OPRM1: variants seen among roughly 807,000 people sequenced by gnomAD.
OPRM1 encodes the protein mu-type opioid receptor.
In OPRM1, 27 loss-of-function variants were observed where a neutral mutation model predicts 31.8. That is an observed-to-expected ratio of 0.85 (90% confidence interval 0.63 to 1.17). The LOEUF (loss-of-function observed/expected upper bound fraction) is 1.17, where lower values mean the gene tolerates loss of function less well. Ranked by LOEUF, OPRM1 falls within the 50% of genes most tolerant of loss-of-function variation. OPRM1 has a pLI of 0.00. For missense variants in OPRM1, 536 were observed against 511.1 expected (o/e 1.05, Z -0.47); for synonymous variants, 196 against 189.9 (o/e 1.03, Z -0.26).
At chr6:154,141,433 G>A (rs183328076) in intron 3 of OPRM1, among the ~76,000 whole-genome samples, 12 of 152,212 alleles carry the variant, frequency 7.9e-5, no homozygotes, top group South Asian at 2.1e-4. Context: ...GGTGGTATTC[G>A]CAGCAGCCCT....
At chr6:154,180,410 A>ATTT (rs1203931756) in intron 3 of OPRM1, among the ~76,000 whole-genome samples, 63 of 40,412 alleles carry the variant, frequency 1.6e-3, no homozygotes, top group South Asian at 6.7e-3. Flanking sequence ...ATATATATAT[A>ATTT]TATATTTTTT....
chr6:154,045,616 C>T (rs1230244214), intron 1 of OPRM1, among the ~76,000 whole-genome samples: 1 of 152,182 alleles, frequency 6.6e-6, no homozygotes, highest in East Asian at 1.9e-4. Flanking sequence ...TTCTCGTGCC[C>T]ACCTCATGTC....
intron 1 of OPRM1, among the ~76,000 whole-genome samples, chr6:154,067,015 T>C (rs1785562871): frequency 6.6e-6 from 1 of 152,180 alleles, no homozygotes; most frequent in South Asian, 2.1e-4. Context: ...AAACTAGTAA[T>C]ATGCCTACTT....
At chr6:154,150,359 G>T (rs1185903557) in intron 3 of OPRM1, among the ~76,000 whole-genome samples, 1 of 152,206 alleles carries the variant, frequency 6.6e-6, no homozygotes, top group Non-Finnish European at 1.5e-5. Context: ...GTTGTGTCCT[G>T]GTTCCTGCCA....
At chr6:154,208,034 A>G (rs557153767) in intron 3 of OPRM1, among the ~76,000 whole-genome samples, 8 of 152,256 alleles carry the variant, frequency 5.3e-5, no homozygotes, top group African/African-American at 1.9e-4. Flanking sequence ...TAGTTTTCTG[A>G]TTCTATGCCT....
chr6:154,227,200 TC>T (rs1779321215), intron 3 of OPRM1, among the ~76,000 whole-genome samples: 1 of 151,406 alleles, frequency 6.6e-6, no homozygotes, highest in Non-Finnish European at 1.5e-5. Flanking sequence ...CAAGATTCTG[TC>T]TCAAAACAAA....
At chr6:154,040,778 TTC>T (rs1004938508) in intron 1 of OPRM1, among the ~76,000 whole-genome samples, 2 of 152,236 alleles carry the variant, frequency 1.3e-5, no homozygotes, top group African/African-American at 4.8e-5. Context: ...GTAGTCCACT[TTC>T]TGTTTACCCA....
chr6:154,169,362 C>CAA (rs1799690298), intron 3 of OPRM1, among the ~76,000 whole-genome samples: 1 of 152,098 alleles, frequency 6.6e-6, no homozygotes, highest in Non-Finnish European at 1.5e-5. Flanking sequence ...CTCTGTCACA[C>CAA]ACACACACAC....
At chr6:154,013,415 G>T (rs986032613) in intron 1 of OPRM1, among the ~76,000 whole-genome samples, 1 of 152,158 alleles carries the variant, frequency 6.6e-6, no homozygotes, top group African/African-American at 2.4e-5. Flanking sequence ...ATCAATGCAT[G>T]CTGGCAAAAG....
At chr6:154,153,664 G>A (rs1167367284) in intron 3 of OPRM1, among the ~76,000 whole-genome samples, 2 of 146,870 alleles carry the variant, frequency 1.4e-5, no homozygotes, top group Non-Finnish European at 1.5e-5. Flanking sequence ...CAGCCTGCGC[G>A]ACAGAGTGAA....
rs1049130667 is a variant in OPRM1, at chr6:154,168,193, A to C, written c.1164+76721A>C. The C allele has an allele frequency of 9.4e-7, 1 of 1,067,564 alleles. No homozygotes were observed. The highest frequency in any genetic ancestry group is 1.6e-5 in the African/African-American group (1 of 63,706). The allele number at this position is 1,067,564 out of a possible 1,614,324, so 66.1% of individuals were successfully genotyped here. Reference sequence around the variant, plus strand: ...AGAGAACATTCAATACTGTGGTCCCAAGGCACGGCCCCACTGGCACCCTCA... The same window carrying C: ...AGAGAACATTCAATACTGTGGTCCCCAGGCACGGCCCCACTGGCACCCTCA... On this transcript the variant is annotated intron_variant, in intron 3 of 3. Coordinates refer to the OPRM1 transcript ENST00000337049. This position sits in a 1 kb window ranked among gnomAD's most constrained non-coding sequence, Gnocchi z 4.1.
At chr6:154,052,203 G>A (rs1012962416) in intron 1 of OPRM1, among the ~76,000 whole-genome samples, 3 of 152,004 alleles carry the variant, frequency 2.0e-5, no homozygotes, top group Non-Finnish European at 2.9e-5. Flanking sequence ...GGGACAAGGA[G>A]CATTAGGACA....
intron 1 of OPRM1, among the ~76,000 whole-genome samples, chr6:154,026,563 A>C (rs182888554): frequency 6.6e-6 from 1 of 152,272 alleles, no homozygotes; most frequent in African/African-American, 2.4e-5. Flanking sequence ...TTTAAGGCCA[A>C]TAACTCTTAG....
rs1432478155 is a variant in OPRM1 at position 154,039,256 on chromosome 6, C to T, written c.-289C>T. On this transcript the variant is annotated 5_prime_UTR_variant, in exon 1 of 4. Transcript: ENST00000330432. ...TTTTCCCTCCTCCCTCCCTTCCAGC[C>T]TCCGAATCCCGCATGGCCCACGCTC... 2.6e-6 allele frequency: 4 copies of T among 1,551,724 alleles called. No individual in the cohort carries two copies. The highest frequency in any genetic ancestry group is 3.5e-6 in the Non-Finnish European group (4 of 1,146,994).
chr6:154,059,728 C>A (rs992749431), intron 1 of OPRM1, among the ~76,000 whole-genome samples: 1 of 152,124 alleles, frequency 6.6e-6, no homozygotes, highest in Non-Finnish European at 1.5e-5. Flanking sequence ...CATACAGTAG[C>A]TGAAATGTTC....
At chr6:154,170,406 C>G (rs7754220) in intron 3 of OPRM1, among the ~76,000 whole-genome samples, 3 of 152,098 alleles carry the variant, frequency 2.0e-5, no homozygotes, top group Admixed American at 6.5e-5. Flanking sequence ...ACTTCACATG[C>G]CTTAGAGTTT....
intron 3 of OPRM1, among the ~76,000 whole-genome samples, chr6:154,095,387 A>C (rs1793185733): frequency 6.6e-6 from 1 of 152,214 alleles, no homozygotes; most frequent in African/African-American, 2.4e-5. Flanking sequence ...GGCTGAGGAT[A>C]TTTCAGGAGA....
At chr6:154,037,788 A>G (rs927528538), upstream of OPRM1, among the ~76,000 whole-genome samples, 1 of 152,108 alleles carries the variant, frequency 6.6e-6, no homozygotes, top group Non-Finnish European at 1.5e-5. Context: ...CCTGTAGGGT[A>G]AAGTAACATG....
chr6:154,093,274 T>C, intron 3 of OPRM1: 1 of 1,612,516 alleles, frequency 6.2e-7, no homozygotes, highest in Non-Finnish European at 8.5e-7. Context: ...CTTTAGTGCC[T>C]ACCTATACCT....
Sources: gnomAD v4.1 joint callset for allele counts (sites outside exome capture counted in the v4.1 genomes callset) on GRCh38, gnomAD v4.1.1 for gene constraint, Gnocchi (gnomAD v3.1) non-coding constraint, MANE v1.5 for transcripts, NCBI Gene and HGNC (gene_info 2026-07-23, HGNC 2026-07-21) for gene names.